The following BRPF3 variants were observed in gnomAD, a reference collection of about 807,000 sequenced individuals.
The protein encoded by BRPF3 is bromodomain and PHD finger containing 3.
BRPF3 carries 18 observed loss-of-function variants against 102.0 expected under a neutral mutation model. The ratio of observed to expected loss-of-function variants is 0.18; its 90% confidence interval spans 0.12 to 0.26. The LOEUF (loss-of-function observed/expected upper bound fraction) is 0.26. BRPF3 is among the 10% of genes least tolerant of loss of function. The probability of loss-of-function intolerance (pLI) is 1.00; values close to 1 mark genes in which losing one functional copy is unlikely to be tolerated. For missense variants in BRPF3, 1,147 were observed against 1,567.8 expected (o/e 0.73, Z 4.53); for synonymous variants, 570 against 614.2 (o/e 0.93, Z 1.06).
Position 36,200,514 on chromosome 6 carries a change from T to C in BRPF3, c.192T>C (p.Asp64=). The C allele has an allele frequency of 2.5e-6, 4 of 1,614,190 alleles. No individual in the cohort carries two copies. The highest frequency in any genetic ancestry group is 3.4e-6 in the Non-Finnish European group (4 of 1,180,024). Reference sequence around the variant, plus strand: ...ACCCACTCAAAATCATTACTGAAGATGAGCTAACTGCCCAGGATATCACCG... The same window carrying C: ...ACCCACTCAAAATCATTACTGAAGACGAGCTAACTGCCCAGGATATCACCG... ...IYDPLKIITE[D]ELTAQDITEC... The change falls in exon 2 of 13, where the codon GAT becomes GAC. Residue 64 remains aspartate, a synonymous_variant. Coordinates refer to ENST00000357641, the MANE Select transcript of BRPF3 (RefSeq NM_015695.3). The surrounding 1 kb of genome is among the most constrained non-coding windows in gnomAD (Gnocchi z 5.3).
In BRPF3 at chr6:36,210,186, G is replaced by A; in HGVS notation, c.1867-30G>A. ...GTGTCTGTTTGGCTAGTAAATGGTTGTTGTAATTGTACAGGTTTTATATGT... is the reference window on the plus strand; with the variant it reads ...GTGTCTGTTTGGCTAGTAAATGGTTATTGTAATTGTACAGGTTTTATATGT... On this transcript the variant is annotated intron_variant, in intron 5 of 12. Coordinates refer to ENST00000357641, the MANE Select transcript of BRPF3 (RefSeq NM_015695.3). This position sits in a 1 kb window ranked among gnomAD's most constrained non-coding sequence, Gnocchi z 4.7. 6.2e-7 allele frequency: 1 copy of A among 1,611,256 alleles called. No homozygotes were observed. The highest frequency in any genetic ancestry group is 1.1e-5 in the South Asian group (1 of 90,982).
In BRPF3 at chr6:36,230,687, A is replaced by G; in HGVS notation, c.*78A>G. 6.7e-7 allele frequency: 1 copy of G among 1,495,140 alleles called. No individual in the cohort carries two copies. Among genetic ancestry groups the G allele is most frequent in the East Asian group, 2.4e-5 (1 of 42,362 alleles). 92.6% of individuals were successfully genotyped at this position (1,495,140 alleles called of 1,614,324 possible). On this transcript the variant is annotated 3_prime_UTR_variant, in exon 13 of 13. Transcript: ENST00000357641. The surrounding 1 kb of genome is among the most constrained non-coding windows in gnomAD (Gnocchi z 5.4). ...GAGAAGCCTCTTCTGCCCCTGCCAG[A>G]TGTATGGCCGGCAGCTTCCCCCTCT...
At position 36,231,062 on chromosome 6, in the gene BRPF3, A is replaced by T. The variant is rs111255391; in HGVS notation, c.*453A>T. On this transcript the variant is annotated 3_prime_UTR_variant, in exon 13 of 13. Coordinates refer to ENST00000357641, the MANE Select transcript of BRPF3 (RefSeq NM_015695.3). ...CCAGGGGGAATCTCCCCAAGCTCAC[A>T]CTCTCTCCCGCTTATCGCCTATTCT... is the stretch of plus-strand genomic sequence containing the variant. 0.037 allele frequency: 5,943 copies of T among 160,150 alleles called. 242 individuals are homozygous for T. Among genetic ancestry groups the T allele is most frequent in the African/African-American group, 0.1 (4,180 of 41,262 alleles). The allele number at this position is 160,150 out of a possible 1,614,324, so 9.9% of individuals were successfully genotyped here. A position where few individuals can be genotyped will look rare whatever the true frequency, so the allele number is the denominator to read the frequency against.
rs368796468 is a variant in BRPF3 at position 36,214,206 on chromosome 6, G to A, written c.2809G>A (p.Gly937Arg). 2 of 1,614,062 alleles carry A rather than the reference G, an allele frequency of 1.2e-6. No individual in the cohort carries two copies. Among genetic ancestry groups the A allele is most frequent in the African/African-American group, 2.7e-5 (2 of 74,924 alleles). Residue 937 changes from glycine to arginine, a missense_variant, in exon 8 of 13, where the codon GGG (glycine) becomes AGG (arginine). Around this residue, in one of 11 missense-constraint regions of BRPF3, gnomAD observed 379 missense variants for 426.3 expected, o/e 0.89. Transcript: ENST00000357641. ...AGTCCTCTTCAAGAAGGCCAAGAATGGGGTTAAGCTACAGAGAAGCCCAGA... is the reference window on the plus strand; with the variant it reads ...AGTCCTCTTCAAGAAGGCCAAGAATAGGGTTAAGCTACAGAGAAGCCCAGA... ...TSVLFKKAKNGVKLQRSPDRV... is the reference protein window; with the variant it reads ...TSVLFKKAKNRVKLQRSPDRV...
At chr6:36,202,193 A>G (rs1398910632) in intron 2 of BRPF3, among the ~76,000 whole-genome samples, 4 of 152,058 alleles carry the variant, frequency 2.6e-5, no homozygotes, top group Non-Finnish European at 5.9e-5. Context: ...AACCCTCCTC[A>G]TGCATGTTTT....
intron 7 of BRPF3, among the ~76,000 whole-genome samples, chr6:36,212,954 C>T (rs1240530061): frequency 6.6e-6 from 1 of 150,548 alleles, no homozygotes; most frequent in Non-Finnish European, 1.5e-5. Flanking sequence ...AGCGAGACTC[C>T]GTCTCAAAAA....
intron 7 of BRPF3, among the ~76,000 whole-genome samples, chr6:36,212,959 CAA>C (rs1281973861): frequency 8.3e-5 from 9 of 108,770 alleles, no homozygotes; most frequent in Admixed American, 1.9e-4. Flanking sequence ...GACTCCGTCT[CAA>C]AAAAAAAAAA....
intron 10 of BRPF3, 128 bp downstream of exon 10, chr6:36,222,393 C>CTTGG: frequency 1.3e-6 from 1 of 765,868 alleles, no homozygotes; most frequent in Non-Finnish European, 2.1e-6. Context: ...CTCTTGGGCC[C>CTTGG]TTGGGCAGGG....
chr6:36,212,822 G>T (rs1348472436), intron 7 of BRPF3, among the ~76,000 whole-genome samples: 8 of 151,848 alleles, frequency 5.3e-5, no homozygotes, highest in Non-Finnish European at 1.2e-4. Flanking sequence ...GCGCGGTGGC[G>T]GGCGCCTGTA....
In BRPF3 at chr6:36,230,397, C is replaced by T; in HGVS notation, c.3435-29C>T. The T allele has an allele frequency of 3.7e-6, 6 of 1,610,060 alleles. No homozygotes were observed. The highest frequency in any genetic ancestry group is 5.1e-6 in the Non-Finnish European group (6 of 1,177,490). On this transcript the variant is annotated intron_variant, in intron 12 of 12. Coordinates refer to ENST00000357641, the MANE Select transcript of BRPF3 (RefSeq NM_015695.3). The surrounding 1 kb of genome is among the most constrained non-coding windows in gnomAD (Gnocchi z 5.4). ...GAGCCCCCTGTGAGACCCACTACTG[C>T]CCAGCCTCTTACTGTGCTTGCATTT... is the stretch of plus-strand genomic sequence containing the variant.
At position 36,213,776 on chromosome 6, in the gene BRPF3, A is replaced by C. The variant is rs771021287; in HGVS notation, c.2483-104A>C. ...AGACCTTGAATGCATCTCAAGCCTT[A>C]TAACAGCCAATGCTTTTGGTCCTTG... On this transcript the variant is annotated intron_variant, in intron 7 of 12. Transcript: ENST00000357641. 3 of 1,216,352 alleles carry C rather than the reference A, an allele frequency of 2.5e-6. No individual in the cohort carries two copies. The East Asian group carries it at 7.0e-5, about 28-fold the overall frequency. 75.3% of individuals were successfully genotyped at this position (1,216,352 alleles called of 1,614,324 possible).
At chr6:36,225,447 T>C in intron 11 of BRPF3, 83 bp downstream of exon 11, 1 of 1,271,582 alleles carries the variant, frequency 7.9e-7, no homozygotes, top group South Asian at 1.3e-5. Context: ...CAGCAGAGTG[T>C]GGTGGGAGTC....
intron 2 of BRPF3, among the ~76,000 whole-genome samples, chr6:36,202,560 CA>C (rs1451082423): frequency 1.3e-5 from 2 of 152,130 alleles, no homozygotes; most frequent in South Asian, 2.1e-4. Context: ...AGACTCATCT[CA>C]GGGGTGGTGT....
Position 36,214,204 on chromosome 6 carries a change from A to C in BRPF3, c.2807A>C (p.Asn936Thr), listed in dbSNP as rs765713237. 7 of 1,614,024 alleles carry C rather than the reference A, an allele frequency of 4.3e-6. No individual in the cohort carries two copies. The highest frequency in any genetic ancestry group is 4.2e-6 in the Non-Finnish European group (5 of 1,180,002). Residue 936 changes from asparagine (N) to threonine (T), a missense_variant, in exon 8 of 13, where the codon AAT (asparagine) becomes ACT (threonine). Physicochemically the swap from Asn to Thr is moderately conservative, Grantham distance 65 (BLOSUM62 0). Around this residue, in one of 11 missense-constraint regions of BRPF3, gnomAD observed 379 missense variants for 426.3 expected, o/e 0.89. Transcript: ENST00000357641. ...TCAGTCCTCTTCAAGAAGGCCAAGA[A>C]TGGGGTTAAGCTACAGAGAAGCCCA... is the stretch of plus-strand genomic sequence containing the variant. ...RTSVLFKKAKNGVKLQRSPDR... is the reference protein window; with the variant it reads ...RTSVLFKKAKTGVKLQRSPDR...
At chr6:36,218,659 A>T (rs368473190) in intron 9 of BRPF3, among the ~76,000 whole-genome samples, 3 of 152,148 alleles carry the variant, frequency 2.0e-5, no homozygotes, top group Non-Finnish European at 4.4e-5. Context: ...AGGTTTCACC[A>T]TGTTGGCCAG....
At position 36,232,036 on chromosome 6, in the gene BRPF3, G is replaced by A. The variant is rs1768955847; in HGVS notation, c.*1427G>A. 3.3e-5 allele frequency: 5 copies of A among 152,580 alleles called. No homozygotes were observed. The highest frequency in any genetic ancestry group is 6.5e-5 in the Admixed American group (1 of 15,280). 9.5% of individuals were successfully genotyped at this position (152,580 alleles called of 1,614,324 possible). ...CAAAACAGTCACTGGGGAGATCACTGCCATTTTTACACACTTGACTTTTTA... is the reference window on the plus strand; with the variant it reads ...CAAAACAGTCACTGGGGAGATCACTACCATTTTTACACACTTGACTTTTTA... On this transcript the variant is annotated 3_prime_UTR_variant, in exon 13 of 13. Coordinates refer to ENST00000357641, the MANE Select transcript of BRPF3 (RefSeq NM_015695.3).
chr6:36,230,457 T>C lies in BRPF3; in HGVS notation c.3466T>C (p.Leu1156=), dbSNP rs1768900803. 1.9e-6 allele frequency: 3 copies of C among 1,614,138 alleles called. No homozygotes were observed. Among genetic ancestry groups the C allele is most frequent in the Non-Finnish European group, 1.7e-6 (2 of 1,180,006 alleles). ...GCTTCCAAGGGACAAAGTCCTGCCC[T>C]TGGGTGTGGAAGACACCGTGGACAA... ...QWLPRDKVLP[L]GVEDTVDKLK... Residue 1156 remains leucine (L), a synonymous_variant, in exon 13 of 13, where the codon TTG becomes CTG. Coordinates refer to ENST00000357641, the MANE Select transcript of BRPF3 (RefSeq NM_015695.3). The surrounding 1 kb of genome is among the most constrained non-coding windows in gnomAD (Gnocchi z 5.4).
chr6:36,207,330 G>T lies in BRPF3; in HGVS notation c.1623G>T (p.Lys541Asn), dbSNP rs1383690102. Residue 541 changes from lysine to asparagine, a missense_variant, in exon 4 of 13, where the codon AAG (lysine) becomes AAT (asparagine). Physicochemically the swap from Lys to Asn is moderately conservative, Grantham distance 94. Transcript: ENST00000357641. ...RNAEQREQDE[K>N]TSAVKEELKY... ...TCCTGTAGCGAGAGCAGGATGAGAA[G>T]ACAAGTGCAGTGAAGGAGGAGCTGA... 2 of 1,614,008 alleles carry T rather than the reference G, an allele frequency of 1.2e-6. No homozygotes were observed. The highest frequency in any genetic ancestry group is 2.7e-5 in the African/African-American group (2 of 75,036).
chr6:36,218,010 G>A lies in BRPF3; in HGVS notation c.3083G>A (p.Ser1028Asn), dbSNP rs1251507944. ...LSGGLAFEAC[S>N]GLTPPKRSRG... ...GGTGGACTGGCATTTGAAGCTTGCAGGTAAGAACACATTCCCAAAGCTTTG... is the reference window on the plus strand; with the variant it reads ...GGTGGACTGGCATTTGAAGCTTGCAAGTAAGAACACATTCCCAAAGCTTTG... The change falls in exon 9 of 13, where the codon AGT becomes AAT. Residue 1028 changes from serine to asparagine, a missense_variant and splice_region_variant. Ser to Asn is a conservative substitution (Grantham distance 46). This residue lies in a region of BRPF3 where 379 missense variants were observed against 426.3 expected (regional missense o/e 0.89). Transcript: ENST00000357641. 1 of 1,611,592 alleles carries A rather than the reference G, an allele frequency of 6.2e-7. No individual in the cohort carries two copies. The highest frequency in any genetic ancestry group is 1.7e-5 in the Admixed American group (1 of 59,628).
Sources: gnomAD v4.1 joint callset for allele counts (sites outside exome capture counted in the v4.1 genomes callset) on GRCh38, gnomAD v4.1.1 for gene constraint, gnomAD v4.1.1 regional missense constraint, Gnocchi (gnomAD v3.1) non-coding constraint, MANE v1.5 for transcripts, NCBI Gene and HGNC (gene_info 2026-07-23, HGNC 2026-07-21) for gene names.